BCL2: variants seen among roughly 807,000 people sequenced by gnomAD.
The protein encoded by BCL2 is apoptosis regulator Bcl-2.
A neutral mutation model predicts 14.2 loss-of-function variants in BCL2; 1 was observed. That is an observed-to-expected ratio of 0.07 (90% CI 0.02 to 0.33). The LOEUF is 0.33. Among genes scored for constraint, BCL2 ranks in the 10% least tolerant of loss-of-function variants. The pLI is 0.99. For synonymous variants in BCL2, 151 were observed against 137.2 expected, an observed-to-expected ratio of 1.10 and a Z score of -0.70; for missense variants, 247 against 305.9, an observed-to-expected ratio of 0.81 and a Z score of 1.44.
intron 2 of BCL2, among the ~76,000 whole-genome samples, chr18:63,196,755 A>C (rs1232271247): frequency 1.3e-5 from 2 of 152,186 alleles, no homozygotes; most frequent in African/African-American, 4.8e-5. Context: ...ACTAAATAAA[A>C]ATTTTAAAAA....
chr18:63,130,331 G>A (rs1032412849), intron 2 of BCL2, among the ~76,000 whole-genome samples: 5 of 152,158 alleles, frequency 3.3e-5, no homozygotes, highest in Middle Eastern at 3.2e-3. Context: ...CCTGGACATC[G>A]CTGTTGGGAG....
chr18:63,177,611 C>G (rs958294921), intron 2 of BCL2, among the ~76,000 whole-genome samples: 2 of 152,228 alleles, frequency 1.3e-5, no homozygotes, highest in African/African-American at 4.8e-5. Context: ...AATGGGCTGG[C>G]TACTTCTCCA....
At chr18:63,301,709 C>G (rs995603930) in intron 2 of BCL2, among the ~76,000 whole-genome samples, 1 of 152,228 alleles carries the variant, frequency 6.6e-6, no homozygotes, top group Non-Finnish European at 1.5e-5. Context: ...TCTTGGAGAA[C>G]ATTATGAATA....
chr18:63,196,301 A>G (rs1015307702), intron 2 of BCL2, among the ~76,000 whole-genome samples: 1 of 152,248 alleles, frequency 6.6e-6, no homozygotes, highest in Non-Finnish European at 1.5e-5. Context: ...CTTAGGCTGA[A>G]AGATATTTCA....
Position 63,319,690 on chromosome 18 carries a change from G to A in BCL2, c.-803C>T. ...CAAATGCATTTTCCGAAAAGCTGCT[G>A]GATAAATGAAGGCAGGACGCGCCTG... On this transcript the variant is annotated 5_prime_UTR_variant, in exon 1 of 3. Coordinates refer to ENST00000333681, the MANE Select transcript of BCL2 (RefSeq NM_000633.3). 1 of 217,458 alleles carries A rather than the reference G, an allele frequency of 4.6e-6. No individual in the cohort carries two copies. 13.5% of individuals were successfully genotyped at this position (217,458 alleles called of 1,614,324 possible). A position where few individuals can be genotyped will look rare whatever the true frequency, so the allele number is the denominator to read the frequency against.
intron 2 of BCL2, among the ~76,000 whole-genome samples, chr18:63,234,357 C>A (rs1322703011): frequency 6.6e-6 from 1 of 152,156 alleles, no homozygotes; most frequent in East Asian, 1.9e-4. Flanking sequence ...TTTCTGTTCC[C>A]GTGTTAGTTT....
intron 2 of BCL2, among the ~76,000 whole-genome samples, chr18:63,200,543 C>T (rs1909660968): frequency 6.6e-6 from 1 of 152,224 alleles, no homozygotes; most frequent in South Asian, 2.1e-4. Flanking sequence ...TCTCCCTACA[C>T]TCCCGCGTAT....
intron 2 of BCL2, among the ~76,000 whole-genome samples, chr18:63,170,779 G>A (rs538774812): frequency 1.3e-5 from 2 of 152,300 alleles, no homozygotes; most frequent in East Asian, 3.9e-4. Context: ...AAGTACAAAC[G>A]ATAATGTGCA....
intron 2 of BCL2, among the ~76,000 whole-genome samples, chr18:63,216,409 A>G (rs1052844260): frequency 6.6e-6 from 1 of 151,874 alleles, no homozygotes; most frequent in Non-Finnish European, 1.5e-5. Context: ...CTAAAAAAAA[A>G]AAAAAAAAGA....
chr18:63,226,519 A>T (rs1378410001), intron 2 of BCL2, among the ~76,000 whole-genome samples: 1 of 152,216 alleles, frequency 6.6e-6, no homozygotes, highest in Non-Finnish European at 1.5e-5. Flanking sequence ...CATAACATGG[A>T]ATTTTACTTA....
intron 2 of BCL2, among the ~76,000 whole-genome samples, chr18:63,230,894 C>CA (rs1388811248): frequency 1.3e-5 from 2 of 150,498 alleles, no homozygotes; most frequent in Non-Finnish European, 3.0e-5. Context: ...AGTATCAATG[C>CA]AAAAAATCTG....
At chr18:63,251,518 G>C (rs1260620510) in intron 2 of BCL2, among the ~76,000 whole-genome samples, 1 of 151,096 alleles carries the variant, frequency 6.6e-6, no homozygotes, top group Admixed American at 6.6e-5. Context: ...GGTGGCGGGC[G>C]CCTGTAGTCC....
chr18:63,223,390 A>G (rs1910458215), intron 2 of BCL2, among the ~76,000 whole-genome samples: 1 of 114,828 alleles, frequency 8.7e-6, no homozygotes, highest in African/African-American at 2.9e-5. Flanking sequence ...ACAGAGCAAG[A>G]CTCCGTTTCA....
At chr18:63,198,629 CAG>C (rs1466397660) in intron 2 of BCL2, among the ~76,000 whole-genome samples, 3 of 151,106 alleles carry the variant, frequency 2.0e-5, no homozygotes, top group African/African-American at 4.9e-5. Flanking sequence ...CACACAGACA[CAG>C]AGACACACAC....
intron 2 of BCL2, among the ~76,000 whole-genome samples, chr18:63,283,481 TTTAG>T (rs138086440): frequency 0.55 from 83,514 of 151,706 alleles, 25,628 homozygotes; most frequent in East Asian, 0.78. Context: ...AAACCACTAA[TTTAG>T]TTGTTTATTA....
chr18:63,212,292 C>T (rs969473748), intron 2 of BCL2, among the ~76,000 whole-genome samples: 6 of 151,614 alleles, frequency 4.0e-5, no homozygotes, highest in African/African-American at 1.5e-4. Flanking sequence ...CATGCCACTG[C>T]ACTCCAGCCT....
intron 2 of BCL2, among the ~76,000 whole-genome samples, chr18:63,240,569 AC>A (rs1365819414): frequency 3.9e-5 from 6 of 152,246 alleles, no homozygotes; most frequent in African/African-American, 1.2e-4. Flanking sequence ...TTTGGATACT[AC>A]AATTTATAAA....
rs1909951273 is a variant in BCL2, at chr18:63,209,830, T to A, written c.586-81071A>T. On this transcript the variant is annotated intron_variant, in intron 2 of 2. Transcript: ENST00000333681. ...GAGAAGCTGGCATGTTGGACAGAGA[T>A]GACTGGTCACCAAGACAGAAGGAAG... Among the ~76,000 whole-genome samples, 4 of 152,092 alleles carry A rather than the reference T, an allele frequency of 2.6e-5. No homozygotes were observed. The South Asian group carries it at 8.3e-4, about 32-fold the overall frequency.
intron 2 of BCL2, among the ~76,000 whole-genome samples, chr18:63,274,314 GCT>G (rs982762902): frequency 9.2e-6 from 1 of 108,252 alleles, no homozygotes; most frequent in African/African-American, 3.6e-5. Flanking sequence ...ATGGAGTCTT[GCT>G]CTGTCACCCA....
Sources: allele counts gnomAD v4.1 joint callset (sites outside exome capture counted in the v4.1 genomes callset), GRCh38; gene constraint gnomAD v4.1.1; transcripts MANE v1.5; gene names NCBI Gene and HGNC (gene_info 2026-07-23, HGNC 2026-07-21).